The following TRIOBP variants were observed in gnomAD, a reference collection of about 807,000 sequenced individuals.
TRIOBP encodes TRIO and F-actin-binding protein.
In TRIOBP, 169 loss-of-function variants were observed where a neutral mutation model predicts 238.8. The observed-to-expected ratio is 0.71, with a 90% CI of 0.62 to 0.80. The LOEUF is 0.80. TRIOBP is among the 30% of genes least tolerant of loss of function. TRIOBP has a pLI of 0.00. For missense variants in TRIOBP, 2,838 were observed against 3,122.6 expected (o/e 0.91, Z 2.17); for synonymous variants, 1,150 against 1,274.4 (o/e 0.90, Z 2.08).
intron 6 of TRIOBP, among the ~76,000 whole-genome samples, chr22:37,721,806 T>C (rs1400511739): frequency 3.3e-5 from 5 of 152,174 alleles, no homozygotes; most frequent in African/African-American, 1.2e-4. Flanking sequence ...GATGAGGCCA[T>C]GATACCCTTT....
rs202038718 is a variant in TRIOBP, at chr22:37,724,370, G to A, written c.1814G>A (p.Arg605Gln). ...RDNPTTSCAQ[R>Q]DNPRASRTSS... ...AACCCCACAACATCCTGTGCCCAGC[G>A]GGACAATCCCAGAGCCTCCAGAACC... The change falls in exon 7 of 24, where the codon CGG becomes CAG. Residue 605 changes from arginine to glutamine, a missense_variant. Transcript: ENST00000644935. 2.8e-5 allele frequency: 44 copies of A among 1,588,674 alleles called. No individual in the cohort carries two copies. The highest frequency in any genetic ancestry group is 1.3e-4 in the South Asian group (12 of 89,806).
Position 37,723,314 on chromosome 22 carries a change from G to A in TRIOBP, c.758G>A (p.Arg253Gln), listed in dbSNP as rs367840198. 21 of 1,613,922 alleles carry A rather than the reference G, an allele frequency of 1.3e-5. No homozygotes were observed. The highest frequency in any genetic ancestry group is 1.6e-4 in the Middle Eastern group (1 of 6,084). The change falls in exon 7 of 24, where the codon CGA becomes CAA. Residue 253 changes from arginine (R) to glutamine (Q), a missense_variant. Arg to Gln is a conservative substitution (Grantham distance 43, BLOSUM62 1). Coordinates refer to ENST00000644935, the MANE Select transcript of TRIOBP (RefSeq NM_001039141.3). ...TCCATGACACCACACAGTGGACCTC[G>A]AAGCACCACGTCTCAGGCTTCTCCT... ...ASSMTPHSGP[R>Q]STTSQASPAQ...
chr22:37,768,656 C>T (rs1430356140), intron 19 of TRIOBP, among the ~76,000 whole-genome samples: 1 of 152,126 alleles, frequency 6.6e-6, no homozygotes, highest in African/African-American at 2.4e-5. Context: ...TACAAGCTAG[C>T]TGAATGTGGT....
At chr22:37,738,333 T>TGGTGGAC (rs1924775150) in intron 9 of TRIOBP, among the ~76,000 whole-genome samples, 1 of 151,706 alleles carries the variant, frequency 6.6e-6, no homozygotes, top group East Asian at 1.9e-4. Context: ...TGTCAGATGA[T>TGGTGGAC]AGATGTTGGA....
intron 12 of TRIOBP, among the ~76,000 whole-genome samples, chr22:37,753,840 G>A (rs1400924029): frequency 6.6e-6 from 1 of 152,202 alleles, no homozygotes; most frequent in Non-Finnish European, 1.5e-5. Context: ...GGAACCCTGG[G>A]AGGGCTGGGG....
chr22:37,728,426 C>T (rs761412455), intron 7 of TRIOBP, among the ~76,000 whole-genome samples: 19 of 152,094 alleles, frequency 1.2e-4, no homozygotes, highest in Non-Finnish European at 2.4e-4. Flanking sequence ...AAGAGTGAAA[C>T]TCCATCTCAA....
At chr22:37,765,488 T>C (rs956572199) in intron 17 of TRIOBP, among the ~76,000 whole-genome samples, 182 bp from the exon 18 acceptor site, 8 of 131,256 alleles carry the variant, frequency 6.1e-5, no homozygotes, top group Non-Finnish European at 1.3e-4. Flanking sequence ...AGCGACAAGG[T>C]GAGGTTTGTG....
At position 37,728,557 on chromosome 22, in the gene TRIOBP, G is replaced by A. The variant is rs531381222; in HGVS notation, c.3947+2054G>A. 8.6e-5 allele frequency among the ~76,000 whole-genome samples: 13 copies of A among 151,690 alleles called. No homozygotes were observed. In the East Asian group the frequency reaches 2.5e-3, roughly 29 times the overall value. On this transcript the variant is annotated intron_variant, in intron 7 of 23. Transcript: ENST00000644935. ...CAGCATTAGTATAATTCTTTCTTTG[G>A]CCTTAAAAACAAAAACCCAGAGCAG...
In TRIOBP at chr22:37,725,855, C is replaced by G. The variant is rs770654549; in HGVS notation, c.3299C>G (p.Ser1100Cys). ...TCAGATGCCGAGCATCAGTGTCAGT[C>G]CCCCCAACACGAGCCCCTTCAGCTC... Reference protein sequence around the residue: ...DTSDAEHQCQSPQHEPLQLPA... With the variant: ...DTSDAEHQCQCPQHEPLQLPA... Residue 1100 changes from serine (S) to cysteine (C), a missense_variant, in exon 7 of 24, where the codon TCC becomes TGC. By Grantham distance (112) the Ser-to-Cys change is moderately radical. Around this residue, in one of 5 missense-constraint regions of TRIOBP, gnomAD observed 2,096 missense variants for 2,137.4 expected, o/e 0.98. Transcript: ENST00000644935. 2 of 1,612,560 alleles carry G rather than the reference C, an allele frequency of 1.2e-6. No individual in the cohort carries two copies. Among genetic ancestry groups the G allele is most frequent in the Non-Finnish European group, 1.7e-6 (2 of 1,179,590 alleles).
In TRIOBP at chr22:37,757,726, G is replaced by A. The variant is rs749012323; in HGVS notation, c.5801G>A (p.Arg1934Gln). The part of the protein sequence containing the change: ...GSEVISRGGP[R>Q]KADGQRQALD... ...GAGGTCATCAGCCGGGGTGGCCCTC[G>A]GAAGGCGGACGGGCAGCGTCAGGCC... The change falls in exon 16 of 24, where the codon CGG becomes CAG. Residue 1934 changes from arginine to glutamine, a missense_variant. Physicochemically the swap from Arg to Gln is conservative, Grantham distance 43. Coordinates refer to ENST00000644935, the MANE Select transcript of TRIOBP (RefSeq NM_001039141.3). 5 of 1,575,840 alleles carry A rather than the reference G, an allele frequency of 3.2e-6. No homozygotes were observed. The highest frequency in any genetic ancestry group is 2.3e-5 in the East Asian group (1 of 42,762).
chr22:37,706,095 A>G (rs1482302576), intron 3 of TRIOBP, among the ~76,000 whole-genome samples: 1 of 152,114 alleles, frequency 6.6e-6, no homozygotes, highest in Non-Finnish European at 1.5e-5. Flanking sequence ...AGGCACGTCT[A>G]CAGGATTTGG....
chr22:37,751,966 T>TAGGC (rs917000790), intron 12 of TRIOBP, 138 bp downstream of exon 12: 4 of 867,666 alleles, frequency 4.6e-6, no homozygotes, highest in African/African-American at 1.7e-5. Context: ...GGCTGCCCAT[T>TAGGC]AGGCTTCTGC....
intron 5 of TRIOBP, 22 bp downstream of exon 5, chr22:37,713,433 G>T: frequency 6.2e-7 from 1 of 1,609,990 alleles, no homozygotes; most frequent in Non-Finnish European, 8.5e-7. Context: ...GTGGGAGTTT[G>T]GGGGACAAGA....
intron 11 of TRIOBP, among the ~76,000 whole-genome samples, chr22:37,743,800 A>AGT (rs1238130911): frequency 4.8e-3 from 264 of 55,392 alleles, no homozygotes; most frequent in Middle Eastern, 0.011. Context: ...AGAGAGAGAG[A>AGT]ATGTGTGTGT....
At chr22:37,707,914 C>T (rs1282333597) in intron 3 of TRIOBP, among the ~76,000 whole-genome samples, 1 of 142,284 alleles carries the variant, frequency 7.0e-6, no homozygotes, top group East Asian at 2.0e-4. Flanking sequence ...TGCACTCCAG[C>T]CTGGGTGACA....
At chr22:37,751,948 G>A in intron 12 of TRIOBP, 120 bp downstream of exon 12, 2 of 852,134 alleles carry the variant, frequency 2.3e-6, no homozygotes, top group Non-Finnish European at 3.8e-6. Flanking sequence ...GGGGCTGGGA[G>A]GGGTGGAGGC....
At chr22:37,756,814 T>C (rs534697596) in intron 15 of TRIOBP, among the ~76,000 whole-genome samples, 1 of 152,330 alleles carries the variant, frequency 6.6e-6, no homozygotes, top group South Asian at 2.1e-4. Flanking sequence ...AGAATTGCCA[T>C]AGTTGTTCAG....
At chr22:37,772,903 C>T in intron 23 of TRIOBP, 139 bp downstream of exon 23, 1 of 1,077,322 alleles carries the variant, frequency 9.3e-7, no homozygotes, top group Non-Finnish European at 1.3e-6. Context: ...ACAATGAAAC[C>T]AGCAACACGG....
chr22:37,755,263 T>C (rs1925857239), intron 14 of TRIOBP, 73 bp downstream of exon 14: 1 of 1,448,528 alleles, frequency 6.9e-7, no homozygotes, highest in African/African-American at 1.4e-5. Context: ...GTTTTGGTGT[T>C]GAACATGGCT....
Sources: gnomAD v4.1 joint callset for allele counts (sites outside exome capture counted in the v4.1 genomes callset) on GRCh38, gnomAD v4.1.1 for gene constraint, gnomAD v4.1.1 regional missense constraint, MANE v1.5 for transcripts, NCBI Gene and HGNC (gene_info 2026-07-23, HGNC 2026-07-21) for gene names.